The following PRDM16 variants were observed in gnomAD, a reference collection of about 807,000 sequenced individuals.
PRDM16 encodes PR/SET domain 16, also known as histone-lysine N-methyltransferase PRDM16.
PRDM16 carries 23 observed loss-of-function variants against 110.6 expected under a neutral mutation model. That is an observed-to-expected ratio of 0.21 (90% CI 0.15 to 0.29). The LOEUF (loss-of-function observed/expected upper bound fraction) is 0.29. Among genes scored for constraint, PRDM16 ranks in the 10% least tolerant of loss-of-function variants. The pLI is 1.00. For synonymous variants in PRDM16, 799 were observed against 781.8 expected, an observed-to-expected ratio of 1.02 and a Z score of -0.37; for missense variants, 1,615 against 1,794.3, an observed-to-expected ratio of 0.90 and a Z score of 1.81.
At chr1:3,110,597 G>T (rs1020464648) in intron 1 of PRDM16, among the ~76,000 whole-genome samples, 1 of 152,260 alleles carries the variant, frequency 6.6e-6, no homozygotes, top group Admixed American at 6.5e-5. Context: ...CCTGGGGAAC[G>T]TATTTTAGTG....
At position 3,436,308 on chromosome 1, in the gene PRDM16, A is replaced by C. The variant is rs2236518; in HGVS notation, c.*2497A>C. On this transcript the variant is annotated 3_prime_UTR_variant, in exon 17 of 17. Coordinates refer to ENST00000270722, the MANE Select transcript of PRDM16 (RefSeq NM_022114.4). The stretch of plus-strand genomic sequence containing the variant: ...AGCAGAACCGATGAGAGCCGCCCTT[A>C]CCGTTGGTCTCCGGATCCCCCAGTC... The C allele has an allele frequency of 0.36, 82,895 of 230,388 alleles. 17,406 individuals carry two copies. Among genetic ancestry groups the C allele is most frequent in the African/African-American group, 0.62 (28,015 of 45,072 alleles). The allele number at this position is 230,388 out of a possible 1,614,324, so 14.3% of individuals were successfully genotyped here.
At chr1:3,173,375 AG>A (rs1240027346) in intron 1 of PRDM16, among the ~76,000 whole-genome samples, 1 of 152,234 alleles carries the variant, frequency 6.6e-6, no homozygotes, top group Non-Finnish European at 1.5e-5. Flanking sequence ...GAGGAAATAC[AG>A]GATGCGGGCT....
intron 3 of PRDM16, among the ~76,000 whole-genome samples, chr1:3,257,400 A>G (rs1474992133): frequency 1.3e-5 from 2 of 152,186 alleles, no homozygotes; most frequent in Non-Finnish European, 2.9e-5. Flanking sequence ...TGGTCCCTCC[A>G]GAGTTCTCTG....
intron 3 of PRDM16, among the ~76,000 whole-genome samples, chr1:3,351,442 AG>A (rs1642478994): frequency 7.1e-6 from 1 of 141,370 alleles, no homozygotes; most frequent in South Asian, 2.4e-4. Flanking sequence ...GGAGCAGCAC[AG>A]GGACATAGGT....
intron 4 of PRDM16, among the ~76,000 whole-genome samples, chr1:3,389,317 C>T (rs963265366): frequency 6.6e-6 from 1 of 152,162 alleles, no homozygotes; most frequent in Non-Finnish European, 1.5e-5. Context: ...ATGGAGGCCC[C>T]GACACCCTCC....
chr1:3,419,654 G>A lies in PRDM16; in HGVS notation c.2939+910G>A, dbSNP rs552038782. On this transcript the variant is annotated intron_variant, in intron 12 of 16. Transcript: ENST00000270722. ...AAGAGTGCTTCACACGGCTTAAGTT[G>A]ACAGCATAAGATTTCTGTCCTCTGG... Among the ~76,000 whole-genome samples, 8 of 152,208 alleles carry A rather than the reference G, an allele frequency of 5.3e-5. No individual in the cohort carries two copies. The South Asian group carries it at 1.7e-3, about 32-fold the overall frequency.
chr1:3,296,462 C>A, intron 3 of PRDM16, among the ~76,000 whole-genome samples: 1 of 152,238 alleles, frequency 6.6e-6, no homozygotes, highest in East Asian at 1.9e-4. Context: ...CCTTCCGGAG[C>A]CTGTCACTCA....
intron 3 of PRDM16, among the ~76,000 whole-genome samples, chr1:3,305,670 G>A (rs760527805): frequency 3.3e-5 from 5 of 152,258 alleles, no homozygotes; most frequent in Admixed American, 1.3e-4. Flanking sequence ...AAAGCGCCCC[G>A]TGGAAAACGG....
At chr1:3,117,805 C>A (rs1344406096) in intron 1 of PRDM16, among the ~76,000 whole-genome samples, 1 of 152,078 alleles carries the variant, frequency 6.6e-6, no homozygotes, top group Non-Finnish European at 1.5e-5. Flanking sequence ...ACCACAGACC[C>A]CAGGGCTCGC....
rs75615905 is a variant in PRDM16, at chr1:3,274,484, G to A, written c.438+30347G>A. 4.5e-3 allele frequency among the ~76,000 whole-genome samples: 681 copies of A among 152,314 alleles called. 13 individuals carry two copies. The East Asian group carries it at 0.06, about 14-fold the overall frequency. On this transcript the variant is annotated intron_variant, in intron 3 of 16. Transcript: ENST00000270722. ...TGCTGGCATGGGCTCTTAGCCGGCT[G>A]CGGAAGGAAGGTCCGTTCTGAAAGG... is the stretch of plus-strand genomic sequence containing the variant.
At chr1:3,147,470 T>C (rs2100716920) in intron 1 of PRDM16, among the ~76,000 whole-genome samples, 1 of 152,220 alleles carries the variant, frequency 6.6e-6, no homozygotes, top group Admixed American at 6.5e-5. Flanking sequence ...CCGCCTGTGC[T>C]GAGATGTCCG....
intron 3 of PRDM16, among the ~76,000 whole-genome samples, chr1:3,360,459 T>C (rs1329339225): frequency 6.6e-6 from 1 of 152,122 alleles, no homozygotes; most frequent in African/African-American, 2.4e-5. Flanking sequence ...CGACACGTTG[T>C]CCTTAGGCAC....
intron 3 of PRDM16, among the ~76,000 whole-genome samples, chr1:3,329,141 C>T (rs1641988271): frequency 2.0e-5 from 3 of 152,236 alleles, no homozygotes; most frequent in Admixed American, 1.3e-4. Context: ...CCAGGGAAGG[C>T]ACCAACCACA....
chr1:3,330,505 C>T lies in PRDM16; in HGVS notation c.439-54647C>T, dbSNP rs142214120. On this transcript the variant is annotated intron_variant, in intron 3 of 16. Transcript: ENST00000270722. ...TCTTCTGCTCTTCTTCCCATCTGCCCCTCGCTCCCTAGGCATCCCCACCAC... is the reference window on the plus strand; with the variant it reads ...TCTTCTGCTCTTCTTCCCATCTGCCTCTCGCTCCCTAGGCATCCCCACCAC... Among the ~76,000 whole-genome samples the T allele has an allele frequency of 2.1e-3, 324 of 152,292 alleles. 2 individuals carry two copies. The highest frequency in any genetic ancestry group is 6.3e-3 in the Admixed American group (96 of 15,304).
chr1:3,303,929 C>A (rs2455133), intron 3 of PRDM16, among the ~76,000 whole-genome samples: 25 of 62,564 alleles, frequency 4.0e-4, no homozygotes, highest in Non-Finnish European at 6.4e-4. Flanking sequence ...GACAGTGACA[C>A]AGGACCCCAG....
chr1:3,081,059 G>T lies in PRDM16; in HGVS notation c.37+11763G>T, dbSNP rs1363600058. Reference sequence around the variant, plus strand: ...AGAGAATCGGGGGGCAGATAGCGTAGCCACGAGGGGCTCTCTGGTTTCATG... The same window carrying T: ...AGAGAATCGGGGGGCAGATAGCGTATCCACGAGGGGCTCTCTGGTTTCATG... On this transcript the variant is annotated intron_variant, in intron 1 of 16. Coordinates refer to ENST00000270722, the MANE Select transcript of PRDM16 (RefSeq NM_022114.4). The surrounding 1 kb of genome is among the most constrained non-coding windows in gnomAD (Gnocchi z 4.6). 6.6e-6 allele frequency among the ~76,000 whole-genome samples: 1 copy of T among 152,172 alleles called. No individual in the cohort carries two copies. Among genetic ancestry groups the T allele is most frequent in the Non-Finnish European group, 1.5e-5 (1 of 68,044 alleles).
intron 3 of PRDM16, among the ~76,000 whole-genome samples, chr1:3,292,847 C>T (rs1641007345): frequency 6.6e-6 from 1 of 152,226 alleles, no homozygotes; most frequent in Non-Finnish European, 1.5e-5. Context: ...CTTGTATCTT[C>T]GAATGGCCTG....
intron 2 of PRDM16, among the ~76,000 whole-genome samples, chr1:3,221,116 C>G (rs570966855): frequency 3.9e-5 from 6 of 152,360 alleles, no homozygotes; most frequent in Admixed American, 3.9e-4. Flanking sequence ...CATGCCGACA[C>G]TGGCTTAGGG....
At chr1:3,092,838 G>A (rs1364131860) in intron 1 of PRDM16, among the ~76,000 whole-genome samples, 2 of 152,144 alleles carry the variant, frequency 1.3e-5, no homozygotes, top group Non-Finnish European at 2.9e-5. Flanking sequence ...AAGTCTCAAG[G>A]CAACATCTTA....
Sources: gnomAD v4.1 joint callset for allele counts (sites outside exome capture counted in the v4.1 genomes callset) on GRCh38, gnomAD v4.1.1 for gene constraint, Gnocchi (gnomAD v3.1) non-coding constraint, MANE v1.5 for transcripts, NCBI Gene and HGNC (gene_info 2026-07-23, HGNC 2026-07-21) for gene names.